The following DNAH5 variants were observed in gnomAD, a reference collection of about 807,000 sequenced individuals.
DNAH5 encodes axonemal beta dynein heavy chain 5.
In DNAH5, 372 loss-of-function variants were observed where a neutral mutation model predicts 518.2. The observed-to-expected ratio is 0.72, with a 90% CI of 0.66 to 0.78. DNAH5 has a LOEUF of 0.78. DNAH5 is among the 30% of genes least tolerant of loss of function. The pLI, the probability that DNAH5 is intolerant of heterozygous loss-of-function variation, is 0.00. For synonymous variants in DNAH5, 2,039 were observed against 2,025.9 expected (o/e 1.01, Z -0.17); for missense variants, 5,523 against 5,687.0 (o/e 0.97, Z 0.93).
At chr5:14,007,119 C>T (rs1255055431) in intron 1 of DNAH5, among the ~76,000 whole-genome samples, 1 of 152,224 alleles carries the variant, frequency 6.6e-6, no homozygotes, top group Non-Finnish European at 1.5e-5. Flanking sequence ...ATATCCTCAG[C>T]CCCAACACAG....
At chr5:13,708,066 T>C in intron 76 of DNAH5, 57 bp downstream of exon 76, 2 of 1,578,198 alleles carry the variant, frequency 1.3e-6, no homozygotes, top group Non-Finnish European at 1.7e-6. Flanking sequence ...CACTTGCCAA[T>C]TACAACTCTT....
chr5:13,766,455 A>T (rs1752526869), intron 58 of DNAH5, among the ~76,000 whole-genome samples: 1 of 152,262 alleles, frequency 6.6e-6, no homozygotes, highest in African/African-American at 2.4e-5. Flanking sequence ...GCTTTGTGCC[A>T]GAAAAAAGAA....
intron 76 of DNAH5, among the ~76,000 whole-genome samples, chr5:13,704,041 C>T (rs1005487075): frequency 6.6e-6 from 1 of 152,278 alleles, no homozygotes; most frequent in Admixed American, 6.5e-5. Context: ...AAGGCCTCCA[C>T]AATGAGGGTC....
chr5:13,973,459 G>A (rs1002501399), intron 1 of DNAH5, among the ~76,000 whole-genome samples: 2 of 152,250 alleles, frequency 1.3e-5, no homozygotes, highest in South Asian at 2.1e-4. Context: ...TCATAAGCTC[G>A]AACCCATGAG....
intron 50 of DNAH5, among the ~76,000 whole-genome samples, chr5:13,790,961 T>A (rs2126893191): frequency 6.6e-6 from 1 of 152,224 alleles, no homozygotes; most frequent in South Asian, 2.1e-4. Context: ...AAAAGATAAC[T>A]ATTGGGTACT....
At chr5:13,882,355 TAAA>T (rs749877963) in intron 21 of DNAH5, among the ~76,000 whole-genome samples, 1 of 138,602 alleles carries the variant, frequency 7.2e-6, no homozygotes. Context: ...CACTACAATT[TAAA>T]AAAAAAAAAA....
chr5:13,829,131 G>A (rs1763301632), intron 38 of DNAH5, among the ~76,000 whole-genome samples: 1 of 152,132 alleles, frequency 6.6e-6, no homozygotes, highest in African/African-American at 2.4e-5. Flanking sequence ...GTAAACCTTG[G>A]TCAAATACTC....
intron 2 of DNAH5, among the ~76,000 whole-genome samples, chr5:13,929,917 C>G (rs1452682145): frequency 6.6e-6 from 1 of 152,214 alleles, no homozygotes; most frequent in African/African-American, 2.4e-5. Flanking sequence ...CCAAGTGGCC[C>G]TCTCTGCTTT....
At chr5:13,898,683 A>G (rs551467872) in intron 15 of DNAH5, 1 of 398,510 alleles carries the variant, frequency 2.5e-6, no homozygotes, top group South Asian at 1.3e-4. Context: ...GTAGTGGTAG[A>G]AAAGATCAGA....
intron 32 of DNAH5, 39 bp downstream of exon 32, chr5:13,844,791 TTCGAAGG>T (rs1432011247): frequency 6.2e-7 from 1 of 1,613,248 alleles, no homozygotes; most frequent in South Asian, 1.1e-5. Flanking sequence ...ACAGTTGAGG[TTCGAAGG>T]TACGGTGATT....
At chr5:13,876,963 T>A in intron 21 of DNAH5, 146 bp from the exon 22 acceptor site, 1 of 835,680 alleles carries the variant, frequency 1.2e-6, no homozygotes, top group Non-Finnish European at 1.9e-6. Flanking sequence ...GAAAGAGTTG[T>A]CAATGTCAAC....
At chr5:13,953,516 C>T (rs1382017911) in intron 1 of DNAH5, among the ~76,000 whole-genome samples, 1 of 152,070 alleles carries the variant, frequency 6.6e-6, no homozygotes, top group Non-Finnish European at 1.5e-5. Flanking sequence ...GAAGTAAATT[C>T]CAAGTTGGGG....
chr5:13,850,217 G>A (rs1260421842), intron 31 of DNAH5, among the ~76,000 whole-genome samples: 1 of 152,138 alleles, frequency 6.6e-6, no homozygotes, highest in East Asian at 1.9e-4. Context: ...AATTCACAAC[G>A]CTTCTGTACA....
chr5:13,901,551 T>C lies in DNAH5; in HGVS notation c.1753A>G (p.Ile585Val), dbSNP rs760809036. The C allele has an allele frequency of 4.3e-6, 7 of 1,612,768 alleles. No individual in the cohort carries two copies. The highest frequency in any genetic ancestry group is 5.9e-6 in the Non-Finnish European group (7 of 1,179,410). Residue 585 changes from isoleucine (I) to valine (V), a missense_variant, in exon 14 of 79, where the codon ATT becomes GTT. Ile to Val is a conservative substitution (Grantham distance 29). Coordinates refer to ENST00000265104, the MANE Select transcript of DNAH5 (RefSeq NM_001369.3). The stretch of plus-strand genomic sequence containing the variant: ...AGGATAAGTTGATATTTGTCATCAA[T>C]ACCAAGATTAGGTATATTCAATCTG... ...FERLNIPNLG[I>V]DDKYQLILEN...
At position 13,823,037 on chromosome 5, in the gene DNAH5, G is replaced by C. The variant is rs536282592; in HGVS notation, c.6687+226C>G. Among the ~76,000 whole-genome samples, 260 of 152,284 alleles carry C rather than the reference G, an allele frequency of 1.7e-3. 10 individuals carry two copies. In the South Asian group the frequency reaches 0.049, roughly 29 times the overall value. On this transcript the variant is annotated intron_variant, in intron 40 of 78. Coordinates refer to ENST00000265104, the MANE Select transcript of DNAH5 (RefSeq NM_001369.3). ...GTTTCCACCAATAATAGGGCTACTC[G>C]CACATGACTAGCTGGACATGTGGCT...
At position 13,867,827 on chromosome 5, in the gene DNAH5, C is replaced by T; in HGVS notation, c.4000G>A (p.Ala1334Thr). 6.2e-7 allele frequency: 1 copy of T among 1,614,032 alleles called. No individual in the cohort carries two copies. The highest frequency in any genetic ancestry group is 8.5e-7 in the Non-Finnish European group (1 of 1,179,968). Residue 1334 changes from alanine to threonine, a missense_variant, in exon 25 of 79, where the codon GCT becomes ACT. Coordinates refer to ENST00000265104, the MANE Select transcript of DNAH5 (RefSeq NM_001369.3). ...QPSFKKELIS[A>T]VEVFLQDCHQ... ...CAATCTTGGAGGAATACCTCCACAG[C>T]ACTAATAAGCTCTTTCTTGAAACTG...
chr5:13,813,561 A>T (rs1296867614), intron 43 of DNAH5, among the ~76,000 whole-genome samples: 1 of 151,682 alleles, frequency 6.6e-6, no homozygotes, highest in Non-Finnish European at 1.5e-5. Context: ...GTCATTAGTG[A>T]TTACTTTTGC....
In DNAH5 at chr5:13,755,923, C is replaced by A. The variant is rs1326033734; in HGVS notation, c.10420-1585G>T. Among the ~76,000 whole-genome samples, 8 of 152,136 alleles carry A rather than the reference C, an allele frequency of 5.3e-5. No individual in the cohort carries two copies. The East Asian group carries it at 1.5e-3, about 29-fold the overall frequency. On this transcript the variant is annotated intron_variant, in intron 61 of 78. Transcript: ENST00000265104. ...AAGCCCAGGCTTCTTTGGGGGATTA[C>A]AATTTGGGAGAAGAGAAAGGAGTAA...
At chr5:13,735,418 G>A (rs1294677103) in intron 67 of DNAH5, 97 bp from the exon 68 acceptor site, 1 of 1,198,296 alleles carries the variant, frequency 8.3e-7, no homozygotes, top group Non-Finnish European at 1.2e-6. Context: ...AACTTTGGAG[G>A]AAGAATTCTT....
Sources: allele counts gnomAD v4.1 joint callset (sites outside exome capture counted in the v4.1 genomes callset), GRCh38; gene constraint gnomAD v4.1.1; transcripts MANE v1.5; gene names NCBI Gene and HGNC (gene_info 2026-07-23, HGNC 2026-07-21).